DLG4: variants seen among roughly 807,000 people sequenced by gnomAD.
DLG4 encodes disks large homolog 4.
DLG4 carries 7 observed loss-of-function variants against 93.8 expected under a neutral mutation model. That is an observed-to-expected ratio of 0.07 (90% confidence interval 0.04 to 0.14). The LOEUF (loss-of-function observed/expected upper bound fraction) is 0.14, where lower values mean the gene tolerates loss of function less well. Ranked by LOEUF, DLG4 falls within the 10% of genes least tolerant of loss-of-function variation. The pLI is 1.00. For missense variants in DLG4, 545 were observed against 992.9 expected (o/e 0.55, Z 6.06); for synonymous variants, 341 against 387.6 (o/e 0.88, Z 1.41).
chr17:7,191,150 A>C lies in DLG4; in HGVS notation c.2068+117T>G. The C allele has an allele frequency of 1.1e-6, 1 of 914,280 alleles. No homozygotes were observed. The highest frequency in any genetic ancestry group is 1.7e-6 in the Non-Finnish European group (1 of 586,504). 56.6% of individuals were successfully genotyped at this position (914,280 alleles called of 1,614,324 possible). A position where few individuals can be genotyped will look rare whatever the true frequency, so the allele number is the denominator to read the frequency against. ...GCTGGGATTACAGGCGTGAGCCACC[A>C]TGCCGCGCCCACAGGGGCACCTCTT... On this transcript the variant is annotated intron_variant, in intron 19 of 19. Coordinates refer to ENST00000399506, the MANE Select transcript of DLG4 (RefSeq NM_001321075.3). This position sits in a 1 kb window ranked among gnomAD's most constrained non-coding sequence, Gnocchi z 6.6.
At position 7,187,276 on chromosome 17, in the gene DLG4, A is replaced by G. The variant is rs143452028; in HGVS notation, c.*3432T>C. Among the ~76,000 whole-genome samples the G allele has an allele frequency of 4.7e-5, 6 of 126,732 alleles. No individual in the cohort carries two copies. In the East Asian group the frequency reaches 1.5e-3, roughly 32 times the overall value. The allele number at this position is 126,732 out of a possible 152,430, so 83.1% of individuals were successfully genotyped here. ...GCATGCAGGCCAGGCGCGGTGGCTCATGCCTGTAATCCTAGCACTTTGGGA... is the reference window on the plus strand; with the variant it reads ...GCATGCAGGCCAGGCGCGGTGGCTCGTGCCTGTAATCCTAGCACTTTGGGA... On this transcript the variant is annotated 3_prime_UTR_variant, in exon 20 of 20. Coordinates refer to ENST00000399506, the MANE Select transcript of DLG4 (RefSeq NM_001321075.3).
intron 2 of DLG4, among the ~76,000 whole-genome samples, chr17:7,206,043 C>T (rs1031422968): frequency 1.2e-4 from 18 of 151,868 alleles, no homozygotes; most frequent in African/African-American, 3.4e-4. Context: ...CTGGCCCTGT[C>T]GCACCCTCCA....
In DLG4 at chr17:7,203,460, T is replaced by C; in HGVS notation, c.469A>G (p.Lys157Glu). Reference protein sequence around the residue: ...YVMRRKPPAEKVMEIKLIKGP... With the variant: ...YVMRRKPPAEEVMEIKLIKGP... ...TTGATGAGCTTGATCTCCATGACCT[T>C]CTCAGCCGGGGGCTTCCGGCGCATG... is the stretch of plus-strand genomic sequence containing the variant. Residue 157 changes from lysine to glutamate, a missense_variant, in exon 6 of 20, where the codon AAG becomes GAG. Coordinates refer to ENST00000399506, the MANE Select transcript of DLG4 (RefSeq NM_001321075.3). This position sits in a 1 kb window ranked among gnomAD's most constrained non-coding sequence, Gnocchi z 7.2. 2 of 1,612,158 alleles carry C rather than the reference T, an allele frequency of 1.2e-6. No homozygotes were observed. Among genetic ancestry groups the C allele is most frequent in the Non-Finnish European group, 8.5e-7 (1 of 1,178,414 alleles).
Position 7,203,539 on chromosome 17 carries a change from G to A in DLG4, c.390C>T (p.His130=), listed in dbSNP as rs1448403512. 2 of 1,613,676 alleles carry A rather than the reference G, an allele frequency of 1.2e-6. No individual in the cohort carries two copies. The highest frequency in any genetic ancestry group is 1.7e-6 in the Non-Finnish European group (2 of 1,179,682). The change falls in exon 6 of 20, where the codon CAC becomes CAT. Residue 130 remains histidine (H), a synonymous_variant. Coordinates refer to ENST00000399506, the MANE Select transcript of DLG4 (RefSeq NM_001321075.3). The surrounding 1 kb of genome is among the most constrained non-coding windows in gnomAD (Gnocchi z 7.2). The part of the protein sequence containing the change: ...VNEVDVREVT[H]SAAVEALKEA... ...CTTTGAGGGCTTCCACCGCCGCTGA[G>A]TGGGTCACCTCGCGCACGTCCACTT...
In DLG4 at chr17:7,191,291, G is replaced by C; in HGVS notation, c.2044C>G (p.Gln682Glu). The C allele has an allele frequency of 6.2e-7, 1 of 1,613,962 alleles. No individual in the cohort carries two copies. The highest frequency in any genetic ancestry group is 8.5e-7 in the Non-Finnish European group (1 of 1,179,864). The change falls in exon 19 of 20, where the codon CAG becomes GAG. Residue 682 changes from glutamine to glutamate, a missense_variant. Around this residue, in one of 5 missense-constraint regions of DLG4, gnomAD observed 428 missense variants for 741.4 expected, o/e 0.58. Transcript: ENST00000399506. This position sits in a 1 kb window ranked among gnomAD's most constrained non-coding sequence, Gnocchi z 6.6. Reference protein sequence around the residue: ...KAFDRATKLEQEFTECFSAIV... With the variant: ...KAFDRATKLEEEFTECFSAIV... ...CCTGAGAAGCACTCTGTGAACTCCT[G>C]CTCCAGCTTGGTGGCTCTGTCGAAG...
Position 7,193,743 on chromosome 17 carries a change from G to T in DLG4, c.1544-29C>A, listed in dbSNP as rs745990664. ...GTGGGAGGTGGGGCATCTGCAAGGG[G>T]CTCTGAAACAGGGGACCTGGAGCCC... On this transcript the variant is annotated intron_variant, in intron 14 of 19. Coordinates refer to ENST00000399506, the MANE Select transcript of DLG4 (RefSeq NM_001321075.3). This position sits in a 1 kb window ranked among gnomAD's most constrained non-coding sequence, Gnocchi z 6.7. The T allele has an allele frequency of 6.2e-7, 1 of 1,605,562 alleles. No individual in the cohort carries two copies. Among genetic ancestry groups the T allele is most frequent in the Non-Finnish European group, 8.5e-7 (1 of 1,175,196 alleles).
intron 2 of DLG4, among the ~76,000 whole-genome samples, chr17:7,205,324 C>T (rs538654881): frequency 2.6e-5 from 4 of 152,180 alleles, no homozygotes; most frequent in African/African-American, 9.7e-5. Context: ...AGGCGGGGCC[C>T]GCTTTAGCCC....
In DLG4 at chr17:7,192,017, G is replaced by C; in HGVS notation, c.1867-15C>G. The C allele has an allele frequency of 7.2e-7, 1 of 1,391,962 alleles. No homozygotes were observed. The highest frequency in any genetic ancestry group is 9.5e-7 in the Non-Finnish European group (1 of 1,054,312). The allele number at this position is 1,391,962 out of a possible 1,614,324, so 86.2% of individuals were successfully genotyped here. A position where few individuals can be genotyped will look rare whatever the true frequency, so the allele number is the denominator to read the frequency against. ...CAGTGCTTCCCCTGGGGGCAGGCAG[G>C]GTGGGCGGAGGGGGGCCAGCGGGTG... is the stretch of plus-strand genomic sequence containing the variant. On this transcript the variant is annotated splice_polypyrimidine_tract_variant and intron_variant, in intron 17 of 19. Transcript: ENST00000399506.
rs760503440 is a variant in DLG4 at position 7,196,769 on chromosome 17, G to T, written c.1071C>A (p.Asp357Glu). 6.2e-7 allele frequency: 1 copy of T among 1,607,350 alleles called. No individual in the cohort carries two copies. The highest frequency in any genetic ancestry group is 8.5e-7 in the Non-Finnish European group (1 of 1,176,858). Residue 357 changes from aspartate to glutamate, a missense_variant, in exon 9 of 20, where the codon GAC (aspartate) becomes GAA (glutamate). Around this residue, in one of 5 missense-constraint regions of DLG4, gnomAD observed 428 missense variants for 741.4 expected, o/e 0.58. Coordinates refer to ENST00000399506, the MANE Select transcript of DLG4 (RefSeq NM_001321075.3). The surrounding 1 kb of genome is among the most constrained non-coding windows in gnomAD (Gnocchi z 8.3). The stretch of plus-strand genomic sequence containing the variant: ...GGCCTTCCCTCACCGACAGGATCTG[G>T]TCCCCCTTCCGCAGCTCCCCACTGA... ...ADLSGELRKG[D>E]QILSVNGVDL...
chr17:7,219,842 C>A, upstream of DLG4: 1 of 1,538,138 alleles, frequency 6.5e-7, no homozygotes, highest in Non-Finnish European at 8.7e-7. Flanking sequence ...ACTACAGCTC[C>A]CAGCATGCCC....
Position 7,193,383 on chromosome 17 carries a change from A to T in DLG4, c.1693+100T>A. 8.3e-7 allele frequency: 1 copy of T among 1,206,898 alleles called. No individual in the cohort carries two copies. The highest frequency in any genetic ancestry group is 1.1e-6 in the Non-Finnish European group (1 of 886,998). 74.8% of individuals were successfully genotyped at this position (1,206,898 alleles called of 1,614,324 possible). On this transcript the variant is annotated intron_variant, in intron 16 of 19. Coordinates refer to ENST00000399506, the MANE Select transcript of DLG4 (RefSeq NM_001321075.3). The surrounding 1 kb of genome is among the most constrained non-coding windows in gnomAD (Gnocchi z 6.7). ...GGAGAAACCCTGTATCTCCCTACAC[A>T]CCGATCCCCCAGGAGGCTCTGCCTA...
chr17:7,193,737 C>A lies in DLG4; in HGVS notation c.1544-23G>T. On this transcript the variant is annotated intron_variant, in intron 14 of 19. Transcript: ENST00000399506. This position sits in a 1 kb window ranked among gnomAD's most constrained non-coding sequence, Gnocchi z 6.7. ...GACCTGGTGGGAGGTGGGGCATCTGCAAGGGGCTCTGAAACAGGGGACCTG... is the reference window on the plus strand; with the variant it reads ...GACCTGGTGGGAGGTGGGGCATCTGAAAGGGGCTCTGAAACAGGGGACCTG... The A allele has an allele frequency of 6.2e-7, 1 of 1,602,446 alleles. No individual in the cohort carries two copies. The highest frequency in any genetic ancestry group is 8.5e-7 in the Non-Finnish European group (1 of 1,173,760).
At position 7,188,200 on chromosome 17, in the gene DLG4, G is replaced by T. The variant is rs1272782456; in HGVS notation, c.*2508C>A. ...CCAGGATCCTGATGGACTCGGTCCT[G>T]CATAGAAAATCCTGCAGGGCAATAC... On this transcript the variant is annotated 3_prime_UTR_variant, in exon 20 of 20. Transcript: ENST00000399506. 6.6e-6 allele frequency among the ~76,000 whole-genome samples: 1 copy of T among 152,152 alleles called. No individual in the cohort carries two copies. Among genetic ancestry groups the T allele is most frequent in the East Asian group, 1.9e-4 (1 of 5,196 alleles).
At chr17:7,219,642 C>T (rs1024625989), upstream of DLG4, 6 of 1,257,138 alleles carry the variant, frequency 4.8e-6, no homozygotes, top group African/African-American at 9.2e-5. Context: ...GAGAAGCCCT[C>T]CCTTCAGTCC....
At chr17:7,197,745 A>G (rs184683858) in intron 8 of DLG4, among the ~76,000 whole-genome samples, 466 of 152,274 alleles carry the variant, frequency 3.1e-3, no homozygotes, top group African/African-American at 8.0e-3. Flanking sequence ...TATGCCTCCC[A>G]AAGTGCTGGG....
intron 2 of DLG4, chr17:7,204,977 G>A (rs770692198): frequency 3.1e-5 from 31 of 985,602 alleles, no homozygotes; most frequent in Non-Finnish European, 3.6e-5. Flanking sequence ...GGACAACAGG[G>A]GGGTGGGGCG....
Position 7,203,105 on chromosome 17 carries a change from CT to C in DLG4, c.643-59del. 2 of 1,577,604 alleles carry C rather than the reference CT, an allele frequency of 1.3e-6. No individual in the cohort carries two copies. The highest frequency in any genetic ancestry group is 1.7e-6 in the Non-Finnish European group (2 of 1,154,810). Reference sequence around the variant, plus strand: ...CCACAAATGGCCCAAGACAGAAGCACTGGGGTGAAGTGATGAACTTGGGCCT... The same window carrying C: ...CCACAAATGGCCCAAGACAGAAGCACGGGGTGAAGTGATGAACTTGGGCCT... On this transcript the variant is annotated intron_variant, in intron 7 of 19. Coordinates refer to ENST00000399506, the MANE Select transcript of DLG4 (RefSeq NM_001321075.3). This position sits in a 1 kb window ranked among gnomAD's most constrained non-coding sequence, Gnocchi z 7.2.
Position 7,190,747 on chromosome 17 carries a change from T to G in DLG4, c.2136A>C (p.Ser712=). The change falls in exon 20 of 20, where the codon TCA becomes TCC. Residue 712 remains serine, a synonymous_variant. Transcript: ENST00000399506. Reference sequence around the variant, plus strand: ...GGGCTGGAACCCAGATGTAGGGGCCTGAGAGGTCCTCGATGACACGCTTCA... The same window carrying G: ...GGGCTGGAACCCAGATGTAGGGGCCGGAGAGGTCCTCGATGACACGCTTCA... ...HKVKRVIEDL[S]GPYIWVPARE... The G allele has an allele frequency of 6.2e-7, 1 of 1,613,718 alleles. No individual in the cohort carries two copies. The highest frequency in any genetic ancestry group is 8.5e-7 in the Non-Finnish European group (1 of 1,179,724).
rs2069776773 is a variant in DLG4, at chr17:7,196,273, C to T, written c.1248G>A (p.Leu416=). The T allele has an allele frequency of 8.7e-6, 14 of 1,613,878 alleles. No individual in the cohort carries two copies. The highest frequency in any genetic ancestry group is 1.0e-5 in the Non-Finnish European group (12 of 1,179,882). ...TCCGCAGGGACGCAGTCCCTGAGCC[C>T]AGGCTGCTGTTCATGAGCTGTTCCC... ...DLREQLMNSS[L]GSGTASLRSN... The change falls in exon 11 of 20, where the codon CTG becomes CTA. Residue 416 remains leucine, a synonymous_variant. Coordinates refer to ENST00000399506, the MANE Select transcript of DLG4 (RefSeq NM_001321075.3). The surrounding 1 kb of genome is among the most constrained non-coding windows in gnomAD (Gnocchi z 8.3).
Sources: gnomAD v4.1 joint callset for allele counts (sites outside exome capture counted in the v4.1 genomes callset) on GRCh38, gnomAD v4.1.1 for gene constraint, gnomAD v4.1.1 regional missense constraint, Gnocchi (gnomAD v3.1) non-coding constraint, MANE v1.5 for transcripts, NCBI Gene and HGNC (gene_info 2026-07-23, HGNC 2026-07-21) for gene names.